The following DMD variants were observed in gnomAD, a reference collection of about 807,000 sequenced individuals.
The protein encoded by DMD is mutant dystrophin.
A neutral mutation model predicts 330.1 loss-of-function variants in DMD; 63 were observed. That is an observed-to-expected ratio of 0.19 (90% CI 0.16 to 0.24). The LOEUF (loss-of-function observed/expected upper bound fraction) is 0.24. DMD is among the 10% of genes least tolerant of loss of function. The pLI, the probability that DMD is intolerant of heterozygous loss-of-function variation, is 1.00. For missense variants in DMD, 3,344 were observed against 2,684.1 expected (o/e 1.25, Z -5.43); for synonymous variants, 1,223 against 959.8 (o/e 1.27, Z -5.07).
chrX:32,845,033 C>T (rs1312101213), intron 3 of DMD, among the ~76,000 whole-genome samples, 173 bp from the exon 4 acceptor site: 4 of 111,928 alleles, frequency 3.6e-5, no homozygotes, highest in East Asian at 5.6e-4. Context: ...TGGCCTGGTA[C>T]GTTTTTAGCA....
At chrX:32,123,236 TATATATAA>T (rs1569544907) in intron 44 of DMD, among the ~76,000 whole-genome samples, 2 of 87,176 alleles carry the variant, frequency 2.3e-5, no homozygotes, top group Admixed American at 1.3e-4. Flanking sequence ...TATATATATA[TATATATAA>T]ATGATCAAAA....
intron 2 of DMD, among the ~76,000 whole-genome samples, chrX:32,926,346 A>G (rs746489082): frequency 8.9e-6 from 1 of 112,254 alleles, no homozygotes; most frequent in African/African-American, 3.2e-5. Context: ...ACAAAATTTC[A>G]TTTAGACAGG....
intron 49 of DMD, among the ~76,000 whole-genome samples, chrX:31,833,957 C>T (rs1569465406): frequency 9.0e-6 from 1 of 110,635 alleles, no homozygotes; most frequent in Non-Finnish European, 1.9e-5. Context: ...TTTCCAAATG[C>T]ACCTCCCCCA....
intron 15 of DMD, among the ~76,000 whole-genome samples, chrX:32,572,046 G>A (rs2052480818): frequency 8.9e-6 from 1 of 111,765 alleles, no homozygotes; most frequent in African/African-American, 3.2e-5. Flanking sequence ...TGATATTTTT[G>A]CACTCGTGTT....
intron 2 of DMD, among the ~76,000 whole-genome samples, chrX:32,958,704 G>T (rs1198923821): frequency 9.0e-6 from 1 of 110,921 alleles, no homozygotes; most frequent in Non-Finnish European, 1.9e-5. Flanking sequence ...CCTTTCATAT[G>T]TGTACAAAAT....
chrX:32,828,013 C>T (rs545120888), intron 4 of DMD, among the ~76,000 whole-genome samples: 2 of 111,271 alleles, frequency 1.8e-5, no homozygotes, highest in Admixed American at 1.9e-4. Flanking sequence ...TGTTCATGCA[C>T]TAGTTTGCTA....
intron 47 of DMD, among the ~76,000 whole-genome samples, chrX:31,880,992 T>G (rs1357195465): frequency 1.8e-5 from 2 of 111,534 alleles, no homozygotes; most frequent in Non-Finnish European, 3.8e-5. Flanking sequence ...GGACAGCATG[T>G]GGAAGTGGAA....
intron 1 of DMD, among the ~76,000 whole-genome samples, chrX:33,051,910 A>C (rs1200475727): frequency 9.0e-6 from 1 of 110,614 alleles, no homozygotes; most frequent in Admixed American, 9.7e-5. Flanking sequence ...CGGCCTCCCA[A>C]AGTGCTGGGA....
In DMD at chrX:32,565,846, G is replaced by T. The variant is rs376024929; in HGVS notation, c.1848C>A (p.Ser616=). Residue 616 remains serine, a synonymous_variant, in exon 16 of 79, where the codon TCC becomes TCA. Transcript: ENST00000357033. ...LKADLEKKKQ[S]MGKLYSLKQD... ...GTTTGAGTGAATACAGTTTGCCCAT[G>T]GATTGCTTTTTCTTTTCTAGATCCG... 5.5e-5 allele frequency: 67 copies of T among 1,209,613 alleles called. 1 individual carries two copies. In the Admixed American group the frequency reaches 1.5e-3, roughly 26 times the overall value.
At chrX:32,780,650 A>C (rs1321293416) in intron 7 of DMD, among the ~76,000 whole-genome samples, 1 of 111,666 alleles carries the variant, frequency 9.0e-6, no homozygotes, top group East Asian at 2.8e-4. Context: ...TGACCATTTC[A>C]TTGCTTGTTA....
chrX:32,885,827 G>GAAGAAA (rs1557115363), intron 2 of DMD, among the ~76,000 whole-genome samples: 2 of 64,936 alleles, frequency 3.1e-5, no homozygotes, highest in Non-Finnish European at 5.6e-5. Flanking sequence ...CCTTGAGGGG[G>GAAGAAA]AAAAAAAAAA....
At chrX:32,812,579 G>A (rs182330565) in intron 6 of DMD, among the ~76,000 whole-genome samples, 213 of 112,405 alleles carry the variant, frequency 1.9e-3, no homozygotes, top group African/African-American at 6.6e-3. Flanking sequence ...GTTGCAGTGA[G>A]CCAAGGTTGG....
At chrX:32,652,135 CATT>C (rs2060200989) in intron 9 of DMD, among the ~76,000 whole-genome samples, 1 of 111,192 alleles carries the variant, frequency 9.0e-6, no homozygotes. Context: ...GAGCCAAAAA[CATT>C]AATCTTTTTT....
At chrX:33,249,539 T>C (rs190587699) in intron 1 of DMD, among the ~76,000 whole-genome samples, 98 of 111,855 alleles carry the variant, frequency 8.8e-4, no homozygotes, top group Non-Finnish European at 1.4e-3. Context: ...TTACATAAAT[T>C]TGATTTGATT....
intron 9 of DMD, among the ~76,000 whole-genome samples, chrX:32,679,051 T>C (rs972004342): frequency 1.7e-4 from 19 of 111,711 alleles, no homozygotes; most frequent in African/African-American, 5.9e-4. Flanking sequence ...GAAAAAAATA[T>C]GTAATGAAAA....
chrX:33,117,259 T>C (rs1016675046), intron 1 of DMD, among the ~76,000 whole-genome samples: 3 of 111,043 alleles, frequency 2.7e-5, no homozygotes, highest in African/African-American at 9.8e-5. Flanking sequence ...AAACTCTCAG[T>C]TATAAGATGA....
intron 2 of DMD, among the ~76,000 whole-genome samples, chrX:32,857,170 GCTTC>G (rs2081642068): frequency 8.9e-6 from 1 of 111,869 alleles, no homozygotes; most frequent in Admixed American, 9.5e-5. Context: ...ATATGATTAT[GCTTC>G]GCATGCCTGT....
intron 2 of DMD, among the ~76,000 whole-genome samples, chrX:32,935,054 C>G (rs1482535549): frequency 1.8e-5 from 2 of 113,058 alleles, no homozygotes; most frequent in East Asian, 5.6e-4. Context: ...TCTCGGCTCA[C>G]TGCAAGCTCC....
intron 56 of DMD, among the ~76,000 whole-genome samples, chrX:31,499,489 C>CTTTTTTTTTTTTTTTTTTTT (rs774151183): frequency 1.2e-5 from 1 of 83,664 alleles, no homozygotes; most frequent in African/African-American, 4.6e-5. Context: ...GAATTCAGTT[C>CTTTTTTTTTTTTTTTTTTTT]TTTTTTTTTT....
Sources: gnomAD v4.1 joint callset for allele counts (sites outside exome capture counted in the v4.1 genomes callset) on GRCh38, gnomAD v4.1.1 for gene constraint, MANE v1.5 for transcripts, NCBI Gene and HGNC (gene_info 2026-07-23, HGNC 2026-07-21) for gene names.